NTRK2: variants seen among roughly 807,000 people sequenced by gnomAD.
NTRK2 encodes neurotrophic receptor tyrosine kinase 2.
A neutral mutation model predicts 94.5 loss-of-function variants in NTRK2; 13 were observed. The ratio of observed to expected loss-of-function variants is 0.14; its 90% confidence interval spans 0.09 to 0.22. The LOEUF is 0.22. Ranked by LOEUF, NTRK2 falls within the 10% of genes least tolerant of loss-of-function variation. The probability of loss-of-function intolerance (pLI) is 1.00; values close to 1 mark genes in which losing one functional copy is unlikely to be tolerated. For synonymous variants in NTRK2, 372 were observed against 407.4 expected (o/e 0.91, Z 1.05); for missense variants, 639 against 1,071.2 (o/e 0.60, Z 5.63).
chr9:84,804,782 T>C (rs1390299817), intron 12 of NTRK2, among the ~76,000 whole-genome samples: 1 of 152,212 alleles, frequency 6.6e-6, no homozygotes, highest in Non-Finnish European at 1.5e-5. Context: ...TGGAATGACA[T>C]CTTTAAGAAA....
At chr9:84,920,891 A>G (rs2077544642) in intron 14 of NTRK2, among the ~76,000 whole-genome samples, 1 of 152,242 alleles carries the variant, frequency 6.6e-6, no homozygotes, top group Non-Finnish European at 1.5e-5. Context: ...CATAAATTCC[A>G]GTATAATTTA....
intron 14 of NTRK2, chr9:84,876,307 A>G: frequency 9.5e-7 from 1 of 1,047,828 alleles, no homozygotes; most frequent in Non-Finnish European, 1.2e-6. Flanking sequence ...AGATTACATG[A>G]AATGTCTGCT....
At position 84,984,925 on chromosome 9, in the gene NTRK2, G is replaced by A. The variant is rs370341795; in HGVS notation, c.2172+29408G>A. On this transcript the variant is annotated intron_variant, in intron 17 of 18. Coordinates refer to ENST00000277120, the MANE Select transcript of NTRK2 (RefSeq NM_006180.6). ...AAAGAAATGTGTTACAAAACTTTAA[G>A]CAGTATTAACATATAAAACAGTGAA... Among the ~76,000 whole-genome samples the A allele has an allele frequency of 2.5e-4, 38 of 152,298 alleles. No individual in the cohort carries two copies. In the East Asian group the frequency reaches 5.4e-3, roughly 22 times the overall value.
In NTRK2 at chr9:84,817,476, C is replaced by T. The variant is rs140259435; in HGVS notation, c.1397-43564C>T. Among the ~76,000 whole-genome samples the T allele has an allele frequency of 4.9e-3, 745 of 152,178 alleles. 3 individuals carry two copies. The highest frequency in any genetic ancestry group is 7.2e-3 in the Non-Finnish European group (489 of 68,010). ...AATAAGAGGATCTGATTTATTTGGC[C>T]AATATTCTAATAGTTCCATGAGTTT... On this transcript the variant is annotated intron_variant, in intron 12 of 18. Transcript: ENST00000277120.
At chr9:84,679,539 C>T (rs1190476442) in intron 2 of NTRK2, among the ~76,000 whole-genome samples, 1 of 152,094 alleles carries the variant, frequency 6.6e-6, no homozygotes, top group Non-Finnish European at 1.5e-5. Context: ...ATTTTGGATA[C>T]CCACTCTCTG....
intron 12 of NTRK2, among the ~76,000 whole-genome samples, chr9:84,806,338 C>T (rs899519907): frequency 6.6e-6 from 1 of 152,146 alleles, no homozygotes; most frequent in Non-Finnish European, 1.5e-5. Flanking sequence ...ATAGTCTGAG[C>T]GTCTCAAAGG....
chr9:84,938,267 C>G (rs2078278086), intron 15 of NTRK2, among the ~76,000 whole-genome samples: 3 of 152,164 alleles, frequency 2.0e-5, no homozygotes. Flanking sequence ...TTTTTCTCCA[C>G]CAAGAGTTTG....
intron 2 of NTRK2, among the ~76,000 whole-genome samples, chr9:84,672,996 A>G (rs940533319): frequency 2.0e-5 from 3 of 152,196 alleles, no homozygotes; most frequent in African/African-American, 7.2e-5. Context: ...TTTTGATTTG[A>G]AAACCTCTTG....
chr9:84,956,315 G>A (rs922820748), intron 17 of NTRK2, among the ~76,000 whole-genome samples: 7 of 152,160 alleles, frequency 4.6e-5, no homozygotes, highest in African/African-American at 1.7e-4. Context: ...TGAAATCACT[G>A]AGAGGCAGAG....
At chr9:84,809,094 C>T (rs1684775511) in intron 12 of NTRK2, among the ~76,000 whole-genome samples, 1 of 152,158 alleles carries the variant, frequency 6.6e-6, no homozygotes. Flanking sequence ...CACTGGGTTT[C>T]CATGGGCAAG....
chr9:84,694,505 C>T (rs1310218708), intron 2 of NTRK2, among the ~76,000 whole-genome samples: 1 of 152,192 alleles, frequency 6.6e-6, no homozygotes, highest in African/African-American at 2.4e-5. Context: ...GTGCATACCC[C>T]CTCAAGAATA....
chr9:84,908,766 T>C (rs995288362), intron 14 of NTRK2, among the ~76,000 whole-genome samples: 25 of 152,206 alleles, frequency 1.6e-4, no homozygotes, highest in Non-Finnish European at 3.5e-4. Context: ...TGGTAGCTTT[T>C]AGTGGCAAAC....
chr9:85,020,429 G>C, intron 18 of NTRK2, 65 bp downstream of exon 18: 1 of 1,581,070 alleles, frequency 6.3e-7, no homozygotes, highest in South Asian at 1.1e-5. Context: ...CATTGGCTGG[G>C]GCCTTGTTTT....
chr9:84,818,022 G>C (rs2072535415), intron 12 of NTRK2, among the ~76,000 whole-genome samples: 1 of 152,054 alleles, frequency 6.6e-6, no homozygotes, highest in South Asian at 2.1e-4. Context: ...ACATCCTTTA[G>C]TGAGCTCTAC....
chr9:84,926,168 T>TC (rs2077789018), intron 14 of NTRK2, among the ~76,000 whole-genome samples: 1 of 62,882 alleles, frequency 1.6e-5, no homozygotes, highest in African/African-American at 5.3e-5. Flanking sequence ...CTTCCTTCCT[T>TC]CCTTTCTTTC....
intron 2 of NTRK2, among the ~76,000 whole-genome samples, chr9:84,697,974 T>A (rs949601996): frequency 6.6e-6 from 1 of 152,224 alleles, no homozygotes; most frequent in African/African-American, 2.4e-5. Context: ...TTCTTTTCTT[T>A]TTTCTTCATA....
At position 85,026,629 on chromosome 9, in the gene NTRK2, G is replaced by A; in HGVS notation, c.*5192G>A. On this transcript the variant is annotated 3_prime_UTR_variant, in exon 19 of 19. Transcript: ENST00000277120. The stretch of plus-strand genomic sequence containing the variant: ...CCTGCGTTCTTTGATCATTACCTAT[G>A]ACTTACAAATCTGCCTGGAGATGTG... 1 of 232,904 alleles carries A rather than the reference G, an allele frequency of 4.3e-6. No homozygotes were observed. The highest frequency in any genetic ancestry group is 8.5e-6 in the Non-Finnish European group (1 of 117,900). The allele number at this position is 232,904 out of a possible 1,614,324, so 14.4% of individuals were successfully genotyped here. A position where few individuals can be genotyped will look rare whatever the true frequency, so the allele number is the denominator to read the frequency against.
In NTRK2 at chr9:84,969,023, C is replaced by T. The variant is rs1211928537; in HGVS notation, c.2172+13506C>T. On this transcript the variant is annotated intron_variant, in intron 17 of 18. Coordinates refer to ENST00000277120, the MANE Select transcript of NTRK2 (RefSeq NM_006180.6). ...TCACATTTTCGTTTTCTTCATGTCT[C>T]CTGAATTAATAAAACACTTCCTACA... Among the ~76,000 whole-genome samples the T allele has an allele frequency of 3.3e-5, 5 of 152,098 alleles. No individual in the cohort carries two copies. The South Asian group carries it at 8.3e-4, about 25-fold the overall frequency.
intron 12 of NTRK2, 97 bp from the exon 13 acceptor site, chr9:84,860,943 G>T: frequency 1.7e-6 from 1 of 601,742 alleles, no homozygotes; most frequent in South Asian, 2.7e-5. Context: ...TTTTGTCGGG[G>T]GGAGTTTGTT....
Sources: gnomAD v4.1 joint callset for allele counts (sites outside exome capture counted in the v4.1 genomes callset) on GRCh38, gnomAD v4.1.1 for gene constraint, MANE v1.5 for transcripts, NCBI Gene and HGNC (gene_info 2026-07-23, HGNC 2026-07-21) for gene names.